PLEKHA2: variants seen among roughly 807,000 people sequenced by gnomAD.
The protein encoded by PLEKHA2 is pleckstrin homology domain-containing family A member 2.
A neutral mutation model predicts 53.2 loss-of-function variants in PLEKHA2; 28 were observed. The observed-to-expected ratio is 0.53, with a 90% CI of 0.39 to 0.72. PLEKHA2 has a LOEUF of 0.72. PLEKHA2 is among the 30% of genes least tolerant of loss of function. PLEKHA2 has a pLI of 0.00. For missense variants in PLEKHA2, 426 were observed against 537.9 expected, an observed-to-expected ratio of 0.79 and a Z score of 2.06; for synonymous variants, 193 against 196.4, an observed-to-expected ratio of 0.98 and a Z score of 0.14.
intron 3 of PLEKHA2, among the ~76,000 whole-genome samples, chr8:38,937,907 T>C (rs1834526649): frequency 1.3e-5 from 2 of 152,206 alleles, no homozygotes; most frequent in Admixed American, 1.3e-4. Context: ...GCGTGTGGGC[T>C]GGCTGTTCAG....
intron 3 of PLEKHA2, among the ~76,000 whole-genome samples, chr8:38,941,206 G>T (rs745577584): frequency 1.8e-4 from 28 of 151,998 alleles, no homozygotes; most frequent in Admixed American, 3.3e-4. Context: ...ACAGGCATGT[G>T]CCACCACACC....
chr8:38,904,594 C>T (rs182989760), intron 1 of PLEKHA2, among the ~76,000 whole-genome samples: 68 of 152,336 alleles, frequency 4.5e-4, no homozygotes, highest in Non-Finnish European at 7.9e-4. Context: ...TCAGGGTAGC[C>T]TGGCCAAGAA....
At chr8:38,921,605 GGT>G (rs1834195826) in intron 2 of PLEKHA2, among the ~76,000 whole-genome samples, 1 of 152,226 alleles carries the variant, frequency 6.6e-6, no homozygotes, top group African/African-American at 2.4e-5. Flanking sequence ...AGCTCTCTGG[GGT>G]CAGCCTCTGC....
At chr8:38,952,757 A>G in intron 8 of PLEKHA2, 53 bp downstream of exon 8, 2 of 1,544,340 alleles carry the variant, frequency 1.3e-6, no homozygotes, top group Non-Finnish European at 1.8e-6. Context: ...TAAGAGGTGC[A>G]TAGGTGCACA....
intron 2 of PLEKHA2, among the ~76,000 whole-genome samples, chr8:38,927,817 ATC>A (rs1189671023): frequency 6.6e-6 from 1 of 152,152 alleles, no homozygotes; most frequent in Non-Finnish European, 1.5e-5. Flanking sequence ...TACAGATGTT[ATC>A]TGTTAAGAAA....
chr8:38,937,603 G>A (rs534458274), intron 3 of PLEKHA2, among the ~76,000 whole-genome samples: 15 of 152,276 alleles, frequency 9.9e-5, no homozygotes, highest in Admixed American at 9.2e-4. Flanking sequence ...AGCCTTGGAG[G>A]CTGCGTCATT....
At chr8:38,927,677 C>G (rs978889531) in intron 2 of PLEKHA2, among the ~76,000 whole-genome samples, 1 of 152,146 alleles carries the variant, frequency 6.6e-6, no homozygotes, top group Non-Finnish European at 1.5e-5. Flanking sequence ...ATTAAGGAAA[C>G]ATCCATTTTT....
In PLEKHA2 at chr8:38,971,031, A is replaced by T. The variant is rs1383745478; in HGVS notation, c.*1248A>T. 1 of 152,236 alleles carries T rather than the reference A, an allele frequency of 6.6e-6. No homozygotes were observed. The highest frequency in any genetic ancestry group is 1.5e-5 in the Non-Finnish European group (1 of 68,046). The allele number at this position is 152,236 out of a possible 1,614,324, so 9.4% of individuals were successfully genotyped here. ...TAAATTAAAAATTAGTAACTAGAGG[A>T]AGAGACTAAGAGAACTATTTTTACC... On this transcript the variant is annotated 3_prime_UTR_variant, in exon 12 of 12. Coordinates refer to ENST00000617275, the MANE Select transcript of PLEKHA2 (RefSeq NM_021623.2).
intron 2 of PLEKHA2, among the ~76,000 whole-genome samples, chr8:38,920,783 C>G (rs949027962): frequency 6.6e-6 from 1 of 151,520 alleles, no homozygotes; most frequent in Non-Finnish European, 1.5e-5. Context: ...AGGCTGGTCT[C>G]GAACTCCTGG....
intron 4 of PLEKHA2, among the ~76,000 whole-genome samples, chr8:38,944,991 G>C (rs1312926066): frequency 6.6e-6 from 1 of 152,114 alleles, no homozygotes; most frequent in East Asian, 1.9e-4. Context: ...GCCAGGAAGG[G>C]GATAAGACAA....
rs1235116263 is a variant in PLEKHA2 at position 38,943,827 on chromosome 8, A to G, written c.237A>G (p.Pro79=). The G allele has an allele frequency of 2.5e-6, 4 of 1,583,976 alleles. No individual in the cohort carries two copies. The highest frequency in any genetic ancestry group is 1.3e-5 in the African/African-American group (1 of 74,378). Reference sequence around the variant, plus strand: ...CCCCAAAACAGAAACCAAAAACTCCATTTTGCTTTGGTAAGTACTGAGCCA... The same window carrying G: ...CCCCAAAACAGAAACCAAAAACTCCGTTTTGCTTTGGTAAGTACTGAGCCA... ...IATPKQKPKT[P]FCFVINALSQ... is the part of the protein sequence containing the mutation. Residue 79 remains proline (P), a synonymous_variant, in exon 4 of 12, where the codon CCA becomes CCG. Coordinates refer to ENST00000617275, the MANE Select transcript of PLEKHA2 (RefSeq NM_021623.2).
chr8:38,907,179 G>T (rs1833889921), intron 1 of PLEKHA2, among the ~76,000 whole-genome samples: 1 of 152,120 alleles, frequency 6.6e-6, no homozygotes, highest in Admixed American at 6.5e-5. Flanking sequence ...GAAATTCCTT[G>T]TCCTGCTAAC....
chr8:38,946,320 CTT>C (rs1431358749), intron 5 of PLEKHA2, 99 bp downstream of exon 5: 1 of 1,016,200 alleles, frequency 9.8e-7, no homozygotes, highest in African/African-American at 1.6e-5. Context: ...GCAGCGGGGA[CTT>C]TCCCAGGAGC....
At chr8:38,907,774 AATT>A (rs1377773426) in intron 1 of PLEKHA2, among the ~76,000 whole-genome samples, 12 of 150,888 alleles carry the variant, frequency 8.0e-5, no homozygotes, top group Non-Finnish European at 1.3e-4. Context: ...AAAAAAAAAA[AATT>A]AATCTATTCA....
Position 38,938,697 on chromosome 8 carries a change from T to C in PLEKHA2, c.198+2647T>C, listed in dbSNP as rs1015736282. Among the ~76,000 whole-genome samples the C allele has an allele frequency of 9.2e-5, 14 of 152,248 alleles. 1 individual carries two copies. In the Middle Eastern group the frequency reaches 0.01, roughly 111 times the overall value. On this transcript the variant is annotated intron_variant, in intron 3 of 11. Coordinates refer to ENST00000617275, the MANE Select transcript of PLEKHA2 (RefSeq NM_021623.2). ...TGACCTCTGCTCGCTGCTGGGGTGT[T>C]CACAGGACCCACCAGTCAACCACTG... is the stretch of plus-strand genomic sequence containing the variant.
At chr8:38,936,313 G>A (rs1351302954) in intron 3 of PLEKHA2, among the ~76,000 whole-genome samples, 2 of 152,162 alleles carry the variant, frequency 1.3e-5, no homozygotes, top group African/African-American at 2.4e-5. Flanking sequence ...CAGCTCCTGC[G>A]CAGGAGGTGT....
chr8:38,942,565 C>T (rs929793068), intron 3 of PLEKHA2, among the ~76,000 whole-genome samples: 2 of 152,174 alleles, frequency 1.3e-5, no homozygotes, highest in African/African-American at 4.8e-5. Context: ...GAATGGTATT[C>T]AGGGGAGGAC....
intron 1 of PLEKHA2, among the ~76,000 whole-genome samples, chr8:38,902,221 G>GC (rs1833799826): frequency 3.0e-5 from 2 of 65,998 alleles, no homozygotes; most frequent in Admixed American, 1.3e-4. Flanking sequence ...AGAAGGGTGT[G>GC]GGGGGGGGTG....
chr8:38,902,943 A>G (rs1379041395), intron 1 of PLEKHA2, among the ~76,000 whole-genome samples: 2 of 152,180 alleles, frequency 1.3e-5, no homozygotes, highest in African/African-American at 4.8e-5. Context: ...CCTCTTCACC[A>G]TGTGCCGCCT....
Sources: allele counts gnomAD v4.1 joint callset (sites outside exome capture counted in the v4.1 genomes callset), GRCh38; gene constraint gnomAD v4.1.1; transcripts MANE v1.5; gene names NCBI Gene and HGNC (gene_info 2026-07-23, HGNC 2026-07-21).